The following CCDC88C variants were observed in gnomAD, a reference collection of about 807,000 sequenced individuals.
CCDC88C encodes the protein coiled-coil and HOOK domain protein 88C.
Under a neutral mutation model 198.8 loss-of-function variants are expected in CCDC88C, and 131 were observed. That is an observed-to-expected ratio of 0.66 (90% CI 0.57 to 0.76). CCDC88C has a LOEUF of 0.76. Ranked by LOEUF, CCDC88C falls within the 30% of genes least tolerant of loss-of-function variation. The probability of loss-of-function intolerance (pLI) is 0.00; values close to 1 mark genes in which losing one functional copy is unlikely to be tolerated. For synonymous variants in CCDC88C, 1,166 were observed against 1,114.7 expected (o/e 1.05, Z -0.92); for missense variants, 2,553 against 2,631.6 (o/e 0.97, Z 0.65).
At chr14:91,388,871 G>C (rs1203486593) in intron 3 of CCDC88C, among the ~76,000 whole-genome samples, 2 of 152,194 alleles carry the variant, frequency 1.3e-5, no homozygotes, top group African/African-American at 2.4e-5. Flanking sequence ...TCCCTTCCAA[G>C]GGAAGGGCCA....
At position 91,396,615 on chromosome 14, in the gene CCDC88C, G is replaced by A. The variant is rs566696409; in HGVS notation, c.270+12044C>T. ...GGCTTCTGCAAGCTTAACATTCATC[G>A]TTTCAGCCATAATTTTTCCGGAAGC... On this transcript the variant is annotated intron_variant, in intron 3 of 29. Transcript: ENST00000389857. Among the ~76,000 whole-genome samples the A allele has an allele frequency of 9.9e-5, 15 of 152,222 alleles. No individual in the cohort carries two copies. The East Asian group carries it at 2.3e-3, about 23-fold the overall frequency.
At chr14:91,383,478 G>A (rs74370991) in intron 3 of CCDC88C, among the ~76,000 whole-genome samples, 120 of 152,210 alleles carry the variant, frequency 7.9e-4, no homozygotes, top group Admixed American at 1.2e-3. Flanking sequence ...TCAGATGTCC[G>A]GGAGCCAGGA....
At chr14:91,281,064 C>G (rs1188635331) in intron 27 of CCDC88C, 1 of 434,622 alleles carries the variant, frequency 2.3e-6, no homozygotes, top group Non-Finnish European at 4.7e-6. Flanking sequence ...ACAAGTGCTT[C>G]TAACAATTTC....
chr14:91,280,440 G>T (rs1890151604), intron 27 of CCDC88C, among the ~76,000 whole-genome samples: 1 of 152,148 alleles, frequency 6.6e-6, no homozygotes. Context: ...AACAGAATCG[G>T]TCCCCTCCCT....
chr14:91,283,309 T>C lies in CCDC88C; in HGVS notation c.4630+20A>G, dbSNP rs781265445. On this transcript the variant is annotated intron_variant, in intron 26 of 29. Transcript: ENST00000389857. ...ACACTAGGCCCGACGCTCATGGCTC[T>C]GGAAGGGCCTGTGACTCACCTTTGG... The C allele has an allele frequency of 1.9e-6, 3 of 1,610,490 alleles. No individual in the cohort carries two copies. Among genetic ancestry groups the C allele is most frequent in the Non-Finnish European group, 2.5e-6 (3 of 1,178,806 alleles).
At position 91,325,798 on chromosome 14, in the gene CCDC88C, C is replaced by T. The variant is rs182709327; in HGVS notation, c.1197+112G>A. On this transcript the variant is annotated intron_variant, in intron 11 of 29. Transcript: ENST00000389857. The surrounding 1 kb of genome is among the most constrained non-coding windows in gnomAD (Gnocchi z 4.1). ...TAGGTTGCCAGGGTTAGAACTCCTGCGCTCAAGGGATCCTCCCACCTTAGC... is the reference window on the plus strand; with the variant it reads ...TAGGTTGCCAGGGTTAGAACTCCTGTGCTCAAGGGATCCTCCCACCTTAGC... The T allele has an allele frequency of 3.9e-4, 416 of 1,075,376 alleles. 3 individuals carry two copies. In the Admixed American group the frequency reaches 8.1e-3, roughly 21 times the overall value. The allele number at this position is 1,075,376 out of a possible 1,614,324, so 66.6% of individuals were successfully genotyped here. A position where few individuals can be genotyped will look rare whatever the true frequency, so the allele number is the denominator to read the frequency against.
chr14:91,381,164 G>A lies in CCDC88C; in HGVS notation c.271-21453C>T, dbSNP rs545455653. ...AGGGGCTCCCAGAGAAGCACCTGTG[G>A]GTGGGCAGAACTGAAAGGTGTGGGG... is the stretch of plus-strand genomic sequence containing the variant. On this transcript the variant is annotated intron_variant, in intron 3 of 29. Transcript: ENST00000389857. The surrounding 1 kb of genome is among the most constrained non-coding windows in gnomAD (Gnocchi z 4.2). Among the ~76,000 whole-genome samples the A allele has an allele frequency of 6.6e-5, 10 of 152,124 alleles. No individual in the cohort carries two copies. Among genetic ancestry groups the A allele is most frequent in the Non-Finnish European group, 1.0e-4 (7 of 68,018 alleles).
intron 27 of CCDC88C, chr14:91,281,207 G>A: frequency 1.1e-6 from 1 of 909,308 alleles, no homozygotes; most frequent in Non-Finnish European, 1.7e-6. Context: ...GTGCTTGAAG[G>A]CATGAAGAGG....
chr14:91,407,550 C>T (rs1886569605), intron 3 of CCDC88C, among the ~76,000 whole-genome samples: 1 of 152,170 alleles, frequency 6.6e-6, no homozygotes, highest in South Asian at 2.1e-4. Context: ...GTCCCGGGAA[C>T]CCAGACAGAT....
intron 15 of CCDC88C, among the ~76,000 whole-genome samples, chr14:91,310,419 T>C (rs2139797611): frequency 6.6e-6 from 1 of 152,202 alleles, no homozygotes; most frequent in Middle Eastern, 3.4e-3. Context: ...CTGGTTTACT[T>C]TTCATTTTTT....
At chr14:91,402,618 A>C (rs1439320471) in intron 3 of CCDC88C, among the ~76,000 whole-genome samples, 1 of 152,172 alleles carries the variant, frequency 6.6e-6, no homozygotes, top group Non-Finnish European at 1.5e-5. Context: ...AATTAATGAG[A>C]GGTGTTAACC....
At chr14:91,402,868 C>T (rs1886287249) in intron 3 of CCDC88C, among the ~76,000 whole-genome samples, 1 of 152,188 alleles carries the variant, frequency 6.6e-6, no homozygotes, top group South Asian at 2.1e-4. Flanking sequence ...GAAGCTAAGG[C>T]ACCCGGGCTG....
At chr14:91,367,470 C>T (rs1172829262) in intron 3 of CCDC88C, among the ~76,000 whole-genome samples, 1 of 152,216 alleles carries the variant, frequency 6.6e-6, no homozygotes, top group Non-Finnish European at 1.5e-5. Context: ...CCTCTAGACA[C>T]CGTCTTCCCT....
rs1886920199 is a variant in CCDC88C at position 91,413,944 on chromosome 14, G to A, written c.161+2794C>T. Reference sequence around the variant, plus strand: ...TAGGAGCTACTGGTATGGGAGATGAGGCAGAACAGCCTTACCCCTTACCTG... The same window carrying A: ...TAGGAGCTACTGGTATGGGAGATGAAGCAGAACAGCCTTACCCCTTACCTG... On this transcript the variant is annotated intron_variant, in intron 2 of 29. Coordinates refer to ENST00000389857, the MANE Select transcript of CCDC88C (RefSeq NM_001080414.4). Among the ~76,000 whole-genome samples, 2 of 152,206 alleles carry A rather than the reference G, an allele frequency of 1.3e-5. 1 individual carries two copies. The highest frequency in any genetic ancestry group is 4.1e-4 in the South Asian group (2 of 4,828).
At chr14:91,276,325 G>C (rs1353014803) in intron 29 of CCDC88C, among the ~76,000 whole-genome samples, 1 of 152,250 alleles carries the variant, frequency 6.6e-6, no homozygotes, top group Non-Finnish European at 1.5e-5. Flanking sequence ...CTAACTTCTC[G>C]AGGGCAGGCC....
chr14:91,331,035 C>T (rs552569422), intron 10 of CCDC88C, among the ~76,000 whole-genome samples: 4 of 142,688 alleles, frequency 2.8e-5, no homozygotes, highest in Non-Finnish European at 6.1e-5. Flanking sequence ...GGGGCTGGGG[C>T]TGAGGAGTGC....
chr14:91,278,465 C>T, intron 28 of CCDC88C, among the ~76,000 whole-genome samples: 1 of 152,220 alleles, frequency 6.6e-6, no homozygotes, highest in East Asian at 1.9e-4. Context: ...GGCTGTAAGG[C>T]ACTGCCCTTG....
intron 25 of CCDC88C, 62 bp downstream of exon 25, chr14:91,289,043 G>A (rs765029334): frequency 7.2e-7 from 1 of 1,384,990 alleles, no homozygotes; most frequent in Non-Finnish European, 1.0e-6. Context: ...ACAGCCACCG[G>A]TGCGGGACCC....
chr14:91,375,607 G>A (rs1309990179), intron 3 of CCDC88C, among the ~76,000 whole-genome samples: 1 of 152,142 alleles, frequency 6.6e-6, no homozygotes. Context: ...CTTCCCCGCA[G>A]GGCCGGCCGA....
Sources: allele counts gnomAD v4.1 joint callset (sites outside exome capture counted in the v4.1 genomes callset), GRCh38; gene constraint gnomAD v4.1.1; non-coding constraint Gnocchi (gnomAD v3.1); transcripts MANE v1.5; gene names NCBI Gene and HGNC (gene_info 2026-07-23, HGNC 2026-07-21).